Variants in MS4A18 observed in about 807,000 individuals in gnomAD.
MS4A18 encodes membrane-spanning 4-domains subfamily A member 18.
A neutral mutation model predicts 13.1 loss-of-function variants in MS4A18; 27 were observed. The ratio of observed to expected loss-of-function variants is 2.06; its 90% CI spans 1.52 to 2.84. The LOEUF (loss-of-function observed/expected upper bound fraction) is 2.84, where lower values mean the gene tolerates loss of function less well. Among genes scored for constraint, MS4A18 ranks in the 30% most tolerant of loss-of-function variants. The pLI is 0.00. For missense variants in MS4A18, 307 were observed against 196.4 expected, an observed-to-expected ratio of 1.56 and a Z score of -3.37; for synonymous variants, 126 against 76.5, an observed-to-expected ratio of 1.65 and a Z score of -3.38.
exon 6 of MS4A18, chr11:60,744,166 G>C (rs901151123): frequency 1.7e-6 from 1 of 577,286 alleles, no homozygotes; most frequent in Admixed American, 3.2e-5. Context: ...CTTCATTTTT[G>C]TTTGTTATTG....
At chr11:60,730,969 C>T (rs190868026) in intron 1 of MS4A18, among the ~76,000 whole-genome samples, 59 of 152,258 alleles carry the variant, frequency 3.9e-4, no homozygotes, top group Non-Finnish European at 7.2e-4. Context: ...TGGCGGGTGC[C>T]TGTAGTCCCA....
intron 2 of MS4A18, among the ~76,000 whole-genome samples, chr11:60,735,661 C>CTTTTTTTTTTTTTTTT (rs1167113182): frequency 1.1e-5 from 1 of 90,106 alleles, no homozygotes; most frequent in African/African-American, 5.0e-5. Flanking sequence ...CATTCCCTTG[C>CTTTTTTTTTTTTTTTT]TTTTTTTTTT....
intron 3 of MS4A18, among the ~76,000 whole-genome samples, chr11:60,738,101 A>G (rs1022507968): frequency 1.3e-5 from 2 of 152,144 alleles, no homozygotes; most frequent in Non-Finnish European, 2.9e-5. Flanking sequence ...TTCCGTTTCT[A>G]CTTTATACAT....
At chr11:60,742,609 G>A (rs1036781184) in intron 5 of MS4A18, among the ~76,000 whole-genome samples, 41 of 152,158 alleles carry the variant, frequency 2.7e-4, no homozygotes, top group African/African-American at 9.9e-4. Flanking sequence ...GCCTTTCAAA[G>A]GTCTTAACAA....
upstream of MS4A18, among the ~76,000 whole-genome samples, chr11:60,728,754 TC>T (rs1380353694): frequency 6.6e-6 from 1 of 151,650 alleles, no homozygotes; most frequent in Non-Finnish European, 1.5e-5. Context: ...TATCTCTCCC[TC>T]CCCCAATGCT....
rs754926691 is a variant in MS4A18, at chr11:60,729,787, G to A, written c.472G>A (p.Val158Met). 1.8e-4 allele frequency: 126 copies of A among 690,782 alleles called. 2 individuals are homozygous for A. The highest frequency in any genetic ancestry group is 1.8e-3 in the South Asian group (118 of 65,196). 42.8% of individuals were successfully genotyped at this position (690,782 alleles called of 1,614,324 possible). The change falls in exon 1 of 6, where the codon GTG becomes ATG. Residue 158 changes from valine to methionine, a missense_variant. Physicochemically the swap from Val to Met is conservative, Grantham distance 21. Coordinates refer to ENST00000529108, the Ensembl canonical transcript of MS4A18. ...AAATGAGGAGGTCAGAACATTAGGG[G>A]TGAGTGTGATTTCTCCTTCTCTCCG...
intron 2 of MS4A18, among the ~76,000 whole-genome samples, chr11:60,736,512 A>C (rs1453796343): frequency 2.0e-5 from 3 of 152,160 alleles, no homozygotes; most frequent in Non-Finnish European, 4.4e-5. Flanking sequence ...ACCACAGCAG[A>C]TGAGGCCACA....
At chr11:60,742,990 C>T (rs1853430722) in intron 5 of MS4A18, among the ~76,000 whole-genome samples, 1 of 152,220 alleles carries the variant, frequency 6.6e-6, no homozygotes, top group Non-Finnish European at 1.5e-5. Context: ...GTGGCAGTTT[C>T]CTCTCCCCTT....
At chr11:60,728,442 GTGTC>G (rs917356040), upstream of MS4A18, among the ~76,000 whole-genome samples, 8 of 151,026 alleles carry the variant, frequency 5.3e-5, no homozygotes, top group Non-Finnish European at 1.0e-4. Context: ...ATCTGTGTGT[GTGTC>G]TGTGTGTCTG....
rs111951838 is a variant in MS4A18, at chr11:60,740,509, C to T, written c.745-521C>T. On this transcript the variant is annotated intron_variant, in intron 4 of 5. Coordinates refer to ENST00000529108, the Ensembl canonical transcript of MS4A18. The stretch of plus-strand genomic sequence containing the variant: ...AGCCAGACAGAGCTAAGGACCCTGA[C>T]CTAGCTGGTGTCTATCCCCTGGCCC... Among the ~76,000 whole-genome samples, 831 of 152,336 alleles carry T rather than the reference C, an allele frequency of 5.5e-3. 4 individuals carry two copies. The highest frequency in any genetic ancestry group is 0.019 in the African/African-American group (790 of 41,568).
chr11:60,729,900 T>TG (rs1026903839), intron 1 of MS4A18, 114 bp downstream of exon 2: 28 of 605,808 alleles, frequency 4.6e-5, no homozygotes, highest in African/African-American at 3.2e-4. Context: ...GGAGTGGGTG[T>TG]GGGGGGCAGT....
rs1273531452 is a variant in MS4A18 at position 60,743,899 on chromosome 11, G to A, written c.1108G>A (p.Val370Ile). The A allele has an allele frequency of 3.6e-5, 25 of 702,922 alleles. No individual in the cohort carries two copies. In the East Asian group the frequency reaches 5.1e-4, roughly 14 times the overall value. The allele number at this position is 702,922 out of a possible 1,614,324, so 43.5% of individuals were successfully genotyped here. A position where few individuals can be genotyped will look rare whatever the true frequency, so the allele number is the denominator to read the frequency against. ...CCCTGTCAATGTGACAACTGGCCCC[G>A]TTAACACTACCACTGCCCCTGCCAA... Residue 370 changes from valine to isoleucine, a missense_variant, in exon 6 of 6, where the codon GTT (valine) becomes ATT (isoleucine). By Grantham distance (29) the Val-to-Ile change is conservative (BLOSUM62 3). Transcript: ENST00000529108.
chr11:60,726,462 C>G (rs1373275043), upstream of MS4A18, among the ~76,000 whole-genome samples: 1 of 152,206 alleles, frequency 6.6e-6, no homozygotes, highest in Non-Finnish European at 1.5e-5. Flanking sequence ...GGTTCTCAAA[C>G]TTCAGCAGCA....
chr11:60,742,284 A>G (rs1853422636), intron 5 of MS4A18, among the ~76,000 whole-genome samples: 1 of 152,158 alleles, frequency 6.6e-6, no homozygotes, highest in Non-Finnish European at 1.5e-5. Context: ...TTCCACCTTG[A>G]TTTCTCAATC....
At position 60,733,635 on chromosome 11, in the gene MS4A18, G is replaced by A. The variant is rs202046758; in HGVS notation, c.579G>A (p.Trp193Ter). Residue 193 changes from tryptophan (W) to a stop codon, truncating the protein, a stop_gained, in exon 2 of 6, where the codon TGG (tryptophan) becomes TGA (stop). Transcript: ENST00000529108. LOFTEE classifies it high-confidence loss of function. Reference sequence around the variant, plus strand: ...CCTGGTTGTCAGGGTACCCGCTCTGGGGAGGATTATCCGTGAGTACAAGGC... The same window carrying A: ...CCTGGTTGTCAGGGTACCCGCTCTGAGGAGGATTATCCGTGAGTACAAGGC... 425 of 703,470 alleles carry A rather than the reference G, an allele frequency of 6.0e-4. 1 individual carries two copies. The highest frequency in any genetic ancestry group is 2.4e-4 in the Non-Finnish European group (94 of 385,138). The allele number at this position is 703,470 out of a possible 1,614,324, so 43.6% of individuals were successfully genotyped here.
At chr11:60,738,956 A>T in exon 4 of MS4A18, 1 of 703,166 alleles carries the variant, frequency 1.4e-6, no homozygotes, top group Non-Finnish European at 2.6e-6. Context: ...CTTTGCCGGG[A>T]TCTTCATTAT....
Position 60,729,638 on chromosome 11 carries a change from AGACAT to A in MS4A18, c.325_329del (p.Thr109AlafsTer11), listed in dbSNP as rs1341086353. On this transcript the variant is annotated frameshift_variant, in exon 1 of 6. Coordinates refer to ENST00000529108, the Ensembl canonical transcript of MS4A18. LOFTEE classifies it high-confidence loss of function. ...TACACACAGGGAACCACGAATCTCCAGACATGGCCTGGAGACCTTCAGAATCCTCT... is the reference window on the plus strand; with the variant it reads ...TACACACAGGGAACCACGAATCTCCAGGCCTGGAGACCTTCAGAATCCTCT... 2.8e-6 allele frequency: 2 copies of A among 702,666 alleles called. No homozygotes were observed. Among genetic ancestry groups the A allele is most frequent in the African/African-American group, 3.5e-5 (2 of 57,244 alleles). The allele number at this position is 702,666 out of a possible 1,614,324, so 43.5% of individuals were successfully genotyped here.
Position 60,737,120 on chromosome 11 carries a change from G to A in MS4A18, c.648+86G>A, listed in dbSNP as rs1362186762. On this transcript the variant is annotated intron_variant, in intron 3 of 5. Coordinates refer to ENST00000529108, the Ensembl canonical transcript of MS4A18. The stretch of plus-strand genomic sequence containing the variant: ...ATGAAAAAAGGAGACTCACAGTAGT[G>A]GTGTGGCCTGGCCCTGGCCCTGGGT... The A allele has an allele frequency of 8.6e-6, 6 of 696,784 alleles. No homozygotes were observed. The Admixed American group carries it at 1.0e-4, about 12-fold the overall frequency. The allele number at this position is 696,784 out of a possible 1,614,324, so 43.2% of individuals were successfully genotyped here. A position where few individuals can be genotyped will look rare whatever the true frequency, so the allele number is the denominator to read the frequency against.
chr11:60,739,785 G>A (rs1853390184), intron 4 of MS4A18, among the ~76,000 whole-genome samples: 3 of 152,222 alleles, frequency 2.0e-5, no homozygotes, highest in African/African-American at 7.2e-5. Context: ...CAGGCAGCAG[G>A]CATGGAAGGA....
Sources: allele counts gnomAD v4.1 joint callset (sites outside exome capture counted in the v4.1 genomes callset), GRCh38; gene constraint gnomAD v4.1.1; transcripts MANE v1.5; gene names NCBI Gene and HGNC (gene_info 2026-07-23, HGNC 2026-07-21).